LUC7L: variants seen among roughly 807,000 people sequenced by gnomAD.
LUC7L encodes the protein LUC7 like.
Under a neutral mutation model 51.1 loss-of-function variants are expected in LUC7L, and 29 were observed. The ratio of observed to expected loss-of-function variants is 0.57; its 90% confidence interval spans 0.42 to 0.77. LUC7L has a LOEUF of 0.77. LUC7L is among the 30% of genes least tolerant of loss of function. The pLI is 0.00. For missense variants in LUC7L, 403 were observed against 511.9 expected (o/e 0.79, Z 2.05); for synonymous variants, 181 against 180.7 (o/e 1.00, Z -0.01).
At chr16:220,489 T>C (rs2142108719) in intron 3 of LUC7L, 160 bp downstream of exon 3, 3 of 623,638 alleles carry the variant, frequency 4.8e-6, no homozygotes, top group Non-Finnish European at 2.9e-6. Context: ...ACACAACATA[T>C]AAACAGTACT....
chr16:194,750 T>C (rs2049104064), intron 6 of LUC7L, among the ~76,000 whole-genome samples: 1 of 152,050 alleles, frequency 6.6e-6, no homozygotes, highest in South Asian at 2.1e-4. Flanking sequence ...AAGAAAGCAA[T>C]ATAAGGGGAT....
intron 7 of LUC7L, 68 bp from the exon 8 acceptor site, chr16:190,638 G>A (rs1238140409): frequency 2.1e-5 from 30 of 1,459,574 alleles, no homozygotes; most frequent in Non-Finnish European, 2.6e-5. Flanking sequence ...CCAGCACTTC[G>A]GGGAGGCCTA....
intron 1 of LUC7L, chr16:227,694 G>A: frequency 1.9e-6 from 2 of 1,050,368 alleles, no homozygotes; most frequent in Non-Finnish European, 1.2e-6. Context: ...CACCAAGGGT[G>A]ACTTATAGAG....
At chr16:216,137 G>A (rs1332968886) in intron 3 of LUC7L, among the ~76,000 whole-genome samples, 1 of 152,148 alleles carries the variant, frequency 6.6e-6, no homozygotes, top group East Asian at 1.9e-4. Context: ...GAGTAGCTGG[G>A]ATTATAGGTG....
At chr16:199,776 A>AAG (rs1555453083) in intron 5 of LUC7L, among the ~76,000 whole-genome samples, 3 of 150,690 alleles carry the variant, frequency 2.0e-5, no homozygotes, top group African/African-American at 7.3e-5. Context: ...AAAAAAAAAA[A>AAG]AAAGAGAGAT....
At chr16:229,163 G>C in intron 1 of LUC7L, 116 bp downstream of exon 1, 2 of 1,448,172 alleles carry the variant, frequency 1.4e-6, no homozygotes, top group South Asian at 1.4e-5. Flanking sequence ...GGGGGAGGAG[G>C]AGCGATGCCC....
At chr16:228,617 G>A (rs2050185304) in intron 1 of LUC7L, 10 of 1,186,708 alleles carry the variant, frequency 8.4e-6, no homozygotes, top group South Asian at 3.2e-5. Context: ...ACCACAGCAG[G>A]TATATAGTTT....
At chr16:225,630 G>A (rs1393140796) in intron 2 of LUC7L, among the ~76,000 whole-genome samples, 1 of 150,552 alleles carries the variant, frequency 6.6e-6, no homozygotes, top group Non-Finnish European at 1.5e-5. Flanking sequence ...GGGATTACAG[G>A]CATGCGCCAC....
intron 1 of LUC7L, chr16:228,224 T>A (rs541926316): frequency 5.6e-5 from 72 of 1,295,068 alleles, no homozygotes; most frequent in Non-Finnish European, 7.1e-5. Context: ...ATTAATGTAG[T>A]GTCTTTTTAT....
Position 190,130 on chromosome 16 carries a change from C to T in LUC7L, c.812G>A (p.Arg271His), listed in dbSNP as rs201741091. The change falls in exon 9 of 10, where the codon CGC (arginine) becomes CAC (histidine). Residue 271 changes from arginine to histidine, a missense_variant. Arg to His is a conservative substitution (Grantham distance 29). Transcript: ENST00000293872. ...GSRTRDRRRSRSRDRRRRRSR... is the reference protein window; with the variant it reads ...GSRTRDRRRSHSRDRRRRRSR... The stretch of plus-strand genomic sequence containing the variant: ...CCGCCTCCGACGCCGATCCCGGGAG[C>T]GTGACCTGAACAATCAGAAGGCTCC... 1.3e-4 allele frequency: 217 copies of T among 1,609,846 alleles called. No individual in the cohort carries two copies. Among genetic ancestry groups the T allele is most frequent in the Non-Finnish European group, 1.7e-4 (206 of 1,179,566 alleles).
intron 5 of LUC7L, among the ~76,000 whole-genome samples, chr16:203,098 C>A (rs1177897465): frequency 6.6e-6 from 1 of 152,100 alleles, no homozygotes; most frequent in African/African-American, 2.4e-5. Flanking sequence ...TTGCAGCGAG[C>A]CATCGCACCA....
intron 3 of LUC7L, chr16:209,268 A>T (rs1443399432): frequency 6.6e-6 from 1 of 152,238 alleles, no homozygotes; most frequent in African/African-American, 2.4e-5. Flanking sequence ...AGGCGGGAGG[A>T]TCCATGAGGT....
At chr16:223,165 C>T (rs899716483) in intron 2 of LUC7L, among the ~76,000 whole-genome samples, 5 of 151,024 alleles carry the variant, frequency 3.3e-5, no homozygotes, top group Non-Finnish European at 5.9e-5. Flanking sequence ...CAAGACCATC[C>T]TGGCCAACAC....
At chr16:189,467 C>CG (rs2048951071) in intron 9 of LUC7L, 128 bp from the exon 10 acceptor site, 3 of 1,427,176 alleles carry the variant, frequency 2.1e-6, no homozygotes, top group Non-Finnish European at 2.7e-6. Context: ...GGAAACCCCC[C>CG]GGAGGCCAAC....
chr16:227,888 T>A, intron 1 of LUC7L: 1 of 1,000,796 alleles, frequency 1.0e-6, no homozygotes, highest in Non-Finnish European at 1.2e-6. Context: ...AAAAAGAGAG[T>A]TGCTACCTGG....
chr16:197,001 G>A (rs554707710), intron 6 of LUC7L, among the ~76,000 whole-genome samples: 8 of 146,294 alleles, frequency 5.5e-5, no homozygotes, highest in African/African-American at 1.5e-4. Context: ...TCCGCCTCCC[G>A]GGTTGACACC....
intron 2 of LUC7L, among the ~76,000 whole-genome samples, chr16:224,246 C>T (rs1438191658): frequency 6.6e-6 from 1 of 152,042 alleles, no homozygotes; most frequent in African/African-American, 2.4e-5. Flanking sequence ...AGGCCGAGCG[C>T]GGTGGCTCAT....
intron 5 of LUC7L, among the ~76,000 whole-genome samples, chr16:200,691 G>C (rs549460732): frequency 6.6e-6 from 1 of 152,130 alleles, no homozygotes; most frequent in African/African-American, 2.4e-5. Context: ...AGATCACCCT[G>C]AGCAACACAG....
At chr16:227,049 G>A (rs1004688327) in intron 2 of LUC7L, among the ~76,000 whole-genome samples, 193 bp downstream of exon 2, 1 of 152,106 alleles carries the variant, frequency 6.6e-6, no homozygotes, top group African/African-American at 2.4e-5. Context: ...ACTTCAGCCT[G>A]GGCAACACAG....
Sources: gnomAD v4.1 joint callset for allele counts (sites outside exome capture counted in the v4.1 genomes callset) on GRCh38, gnomAD v4.1.1 for gene constraint, MANE v1.5 for transcripts, NCBI Gene and HGNC (gene_info 2026-07-23, HGNC 2026-07-21) for gene names.